The following CAMSAP3 variants were observed in gnomAD, a reference collection of about 807,000 sequenced individuals.
The protein encoded by CAMSAP3 is calmodulin-regulated spectrin-associated protein 3.
Under a neutral mutation model 112.5 loss-of-function variants are expected in CAMSAP3, and 34 were observed. The ratio of observed to expected loss-of-function variants is 0.30; its 90% CI spans 0.23 to 0.40. CAMSAP3 has a LOEUF of 0.40. CAMSAP3 is among the 10% of genes least tolerant of loss of function. CAMSAP3 has a pLI of 1.00. For synonymous variants in CAMSAP3, 868 were observed against 799.8 expected, an observed-to-expected ratio of 1.09 and a Z score of -1.44; for missense variants, 1,602 against 1,770.3, an observed-to-expected ratio of 0.90 and a Z score of 1.71.
chr19:7,606,164 C>CCCCCCCA, intron 2 of CAMSAP3, 107 bp from the exon 3 acceptor site: 2 of 823,742 alleles, frequency 2.4e-6, no homozygotes, highest in South Asian at 1.5e-5. Context: ...CCACCCCCCC[C>CCCCCCCA]GTCAAGTCCC....
At position 7,612,112 on chromosome 19, in the gene CAMSAP3, C is replaced by T. The variant is rs758157402; in HGVS notation, c.1619C>T (p.Pro540Leu). 6.8e-6 allele frequency: 11 copies of T among 1,612,100 alleles called. No individual in the cohort carries two copies. The highest frequency in any genetic ancestry group is 1.3e-5 in the African/African-American group (1 of 74,936). Residue 540 changes from proline (P) to leucine (L), a missense_variant, in exon 11 of 17, where the codon CCG becomes CTG. Pro to Leu is a moderately conservative substitution (Grantham distance 98). Around this residue, in one of 6 missense-constraint regions of CAMSAP3, gnomAD observed 1,100 missense variants for 1,135.7 expected, o/e 0.97. Transcript: ENST00000160298. ...SPCLVGEASK[P>L]PAPSEGSPKA... is the part of the protein sequence containing the mutation. ...TGTCTGGTGGGGGAGGCATCGAAAC[C>T]GCCAGCCCCATCCGAGGGGTCCCCG...
Position 7,611,258 on chromosome 19 carries a change from TC to T in CAMSAP3, c.1123+92del. The T allele has an allele frequency of 7.8e-7, 1 of 1,284,978 alleles. No individual in the cohort carries two copies. The highest frequency in any genetic ancestry group is 1.1e-6 in the Non-Finnish European group (1 of 895,956). The allele number at this position is 1,284,978 out of a possible 1,614,324, so 79.6% of individuals were successfully genotyped here. On this transcript the variant is annotated intron_variant, in intron 9 of 16. Transcript: ENST00000160298. The surrounding 1 kb of genome is among the most constrained non-coding windows in gnomAD (Gnocchi z 6.9). ...CCTCATGTTGTCTCCTCGTGAGCCTTCCAATAGCCTCTCCATCAGATCCCCC... is the reference window on the plus strand; with the variant it reads ...CCTCATGTTGTCTCCTCGTGAGCCTTCAATAGCCTCTCCATCAGATCCCCC...
At chr19:7,614,753 G>A (rs181377695) in intron 11 of CAMSAP3, 1 of 216,304 alleles carries the variant, frequency 4.6e-6, no homozygotes, top group South Asian at 6.9e-5. Context: ...CAGGGCCTCG[G>A]CACTAGCTGT....
At chr19:7,606,830 G>T (rs749935656) in intron 4 of CAMSAP3, 3 of 1,612,928 alleles carry the variant, frequency 1.9e-6, no homozygotes, top group African/African-American at 2.7e-5. Context: ...CTGTCTGTCC[G>T]CCCCGTCTGC....
rs898170898 is a variant in CAMSAP3, at chr19:7,602,400, T to G, written c.149-2826T>G. The stretch of plus-strand genomic sequence containing the variant: ...AGGTTTTGGTGTTTTTTGTTTCTTG[T>G]TTTTCATCTTAAAGGCCCTGAAAAG... On this transcript the variant is annotated intron_variant, in intron 1 of 16. Transcript: ENST00000160298. Among the ~76,000 whole-genome samples the G allele has an allele frequency of 8.5e-5, 13 of 152,258 alleles. No homozygotes were observed. In the South Asian group the frequency reaches 2.7e-3, roughly 32 times the overall value.
chr19:7,607,387 G>A lies in CAMSAP3; in HGVS notation c.622-739G>A, dbSNP rs931898722. The stretch of plus-strand genomic sequence containing the variant: ...TTTCTCTCTTCCCTGAATGAGCTGT[G>A]TGACCTTGCAGAAGTATCTAAACCT... On this transcript the variant is annotated intron_variant, in intron 4 of 16. Coordinates refer to ENST00000160298, the MANE Select transcript of CAMSAP3 (RefSeq NM_020902.2). This position sits in a 1 kb window ranked among gnomAD's most constrained non-coding sequence, Gnocchi z 4.9. Among the ~76,000 whole-genome samples, 2 of 152,348 alleles carry A rather than the reference G, an allele frequency of 1.3e-5. No homozygotes were observed. The highest frequency in any genetic ancestry group is 4.1e-4 in the South Asian group (2 of 4,830).
rs1482410475 is a variant in CAMSAP3, at chr19:7,617,718, T to G, written c.3445-34T>G. On this transcript the variant is annotated intron_variant, in intron 16 of 16. Coordinates refer to ENST00000160298, the MANE Select transcript of CAMSAP3 (RefSeq NM_020902.2). This position sits in a 1 kb window ranked among gnomAD's most constrained non-coding sequence, Gnocchi z 7.5. ...TGGTGGGTGGGTGGGTGGCCTGACT[T>G]GGCCAGCTGACCATTTCCAGCACTC... 1.9e-6 allele frequency: 3 copies of G among 1,612,702 alleles called. No homozygotes were observed. In the South Asian group the frequency reaches 3.3e-5, roughly 18 times the overall value.
intron 1 of CAMSAP3, among the ~76,000 whole-genome samples, chr19:7,596,577 G>A (rs1212372422): frequency 2.6e-5 from 4 of 151,978 alleles, no homozygotes; most frequent in Non-Finnish European, 4.4e-5. Flanking sequence ...CTCTTCCCCC[G>A]CCACACACCC....
At position 7,618,165 on chromosome 19, in the gene CAMSAP3, G is replaced by T. The variant is rs2051295865; in HGVS notation, c.*108G>T. 4 of 1,285,742 alleles carry T rather than the reference G, an allele frequency of 3.1e-6. No homozygotes were observed. The South Asian group carries it at 5.7e-5, about 18-fold the overall frequency. 79.6% of individuals were successfully genotyped at this position (1,285,742 alleles called of 1,614,324 possible). A position where few individuals can be genotyped will look rare whatever the true frequency, so the allele number is the denominator to read the frequency against. ...CCTGTCTGTCCCCAACCGTGTCTGG[G>T]TGGGGCTGGAGTCTCCACCCTCTGA... On this transcript the variant is annotated 3_prime_UTR_variant, in exon 17 of 17. Coordinates refer to ENST00000160298, the MANE Select transcript of CAMSAP3 (RefSeq NM_020902.2).
Position 7,617,803 on chromosome 19 carries a change from A to G in CAMSAP3, c.3496A>G (p.Ser1166Gly), listed in dbSNP as rs771292045. 6.2e-7 allele frequency: 1 copy of G among 1,612,694 alleles called. No individual in the cohort carries two copies. The highest frequency in any genetic ancestry group is 1.1e-5 in the South Asian group (1 of 91,030). ...CTTCCTGATCCTCTTTCGCGACTCG[A>G]GCTGCCAGTTCCGGGCGCTCTACAC... ...NHFLILFRDS[S>G]CQFRALYTLS... Residue 1166 changes from serine (S) to glycine (G), a missense_variant, in exon 17 of 17, where the codon AGC becomes GGC. This residue lies in a region of CAMSAP3 where 150 missense variants were observed against 207.6 expected (regional missense o/e 0.72). Coordinates refer to ENST00000160298, the MANE Select transcript of CAMSAP3 (RefSeq NM_020902.2). This position sits in a 1 kb window ranked among gnomAD's most constrained non-coding sequence, Gnocchi z 7.5.
In CAMSAP3 at chr19:7,615,710, G is replaced by A. The variant is rs891658756; in HGVS notation, c.3103G>A (p.Gly1035Ser). 38 of 1,405,312 alleles carry A rather than the reference G, an allele frequency of 2.7e-5. No homozygotes were observed. Among genetic ancestry groups the A allele is most frequent in the Non-Finnish European group, 3.3e-5 (36 of 1,086,604 alleles). The allele number at this position is 1,405,312 out of a possible 1,614,324, so 87.1% of individuals were successfully genotyped here. ...AGCCCTGGCACGAAGCCCAGCCCGC[G>A]GCCTGCTGGGTGAGGACCCTTGGGG... is the stretch of plus-strand genomic sequence containing the variant. ...DSALARSPAR[G>S]LLGSRLSKIY... The change falls in exon 13 of 17, where the codon GGC becomes AGC. Residue 1035 changes from glycine (G) to serine (S), a missense_variant. By Grantham distance (56) the Gly-to-Ser change is moderately conservative. Coordinates refer to ENST00000160298, the MANE Select transcript of CAMSAP3 (RefSeq NM_020902.2). The surrounding 1 kb of genome is among the most constrained non-coding windows in gnomAD (Gnocchi z 6.5).
At position 7,611,153 on chromosome 19, in the gene CAMSAP3, C is replaced by T; in HGVS notation, c.1108C>T (p.Leu370Phe). The change falls in exon 9 of 17, where the codon CTC (leucine) becomes TTC (phenylalanine). Residue 370 changes from leucine to phenylalanine, a missense_variant. By Grantham distance (22) the Leu-to-Phe change is conservative. This residue lies in a region of CAMSAP3 where 1,100 missense variants were observed against 1,135.7 expected (regional missense o/e 0.97). Transcript: ENST00000160298. This position sits in a 1 kb window ranked among gnomAD's most constrained non-coding sequence, Gnocchi z 6.9. ...GTCATCTGGTGGCCCCCAGTCCCCA[C>T]TCCGAGGATCCACAGGTGAGGAGGG... Reference protein sequence around the residue: ...LLSSGGPQSPLRGSTGSLKSS... With the variant: ...LLSSGGPQSPFRGSTGSLKSS... 2 of 1,613,614 alleles carry T rather than the reference C, an allele frequency of 1.2e-6. No homozygotes were observed. Among genetic ancestry groups the T allele is most frequent in the Non-Finnish European group, 1.7e-6 (2 of 1,179,956 alleles).
intron 1 of CAMSAP3, among the ~76,000 whole-genome samples, chr19:7,604,588 G>A (rs1199903868): frequency 6.6e-6 from 1 of 151,970 alleles, no homozygotes; most frequent in African/African-American, 2.4e-5. Context: ...CAACTCCCTC[G>A]ATGTGCCTGT....
In CAMSAP3 at chr19:7,611,033, C is replaced by A; in HGVS notation, c.1050-62C>A. The A allele has an allele frequency of 1.2e-5, 19 of 1,602,726 alleles. No individual in the cohort carries two copies. Among genetic ancestry groups the A allele is most frequent in the Non-Finnish European group, 1.6e-5 (19 of 1,171,248 alleles). ...GCAGCTGGGTGATGCTGTTGTCTCC[C>A]CCCGGGGAGAGGCGGAGGAGGAGGT... On this transcript the variant is annotated intron_variant, in intron 8 of 16. Coordinates refer to ENST00000160298, the MANE Select transcript of CAMSAP3 (RefSeq NM_020902.2). This position sits in a 1 kb window ranked among gnomAD's most constrained non-coding sequence, Gnocchi z 6.9.
chr19:7,609,800 A>C (rs2030381283), intron 5 of CAMSAP3, among the ~76,000 whole-genome samples: 1 of 152,082 alleles, frequency 6.6e-6, no homozygotes, highest in Admixed American at 6.6e-5. Flanking sequence ...TTTCATAAGG[A>C]GGGTGCAACC....
intron 1 of CAMSAP3, among the ~76,000 whole-genome samples, chr19:7,600,610 T>C (rs1450546228): frequency 2.4e-4 from 5 of 20,838 alleles, no homozygotes; most frequent in Non-Finnish European, 2.5e-4. Flanking sequence ...ACCCACCCAC[T>C]CATCCACTCA....
chr19:7,596,109 C>T lies in CAMSAP3; in HGVS notation c.107C>T (p.Ala36Val). The T allele has an allele frequency of 8.0e-7, 1 of 1,250,372 alleles. No homozygotes were observed. Among genetic ancestry groups the T allele is most frequent in the African/African-American group, 1.6e-5 (1 of 62,036 alleles). 77.5% of individuals were successfully genotyped at this position (1,250,372 alleles called of 1,614,324 possible). A position where few individuals can be genotyped will look rare whatever the true frequency, so the allele number is the denominator to read the frequency against. ...QYDFSRAKAA[A>V]SLAWVLRAAF... ...GATTTCTCGCGGGCCAAGGCGGCGG[C>T]CAGCCTGGCGTGGGTGCTGCGGGCC... Residue 36 changes from alanine to valine, a missense_variant, in exon 1 of 17, where the codon GCC becomes GTC. Around this residue, in one of 6 missense-constraint regions of CAMSAP3, gnomAD observed 147 missense variants for 144.6 expected, o/e 1.02. Coordinates refer to ENST00000160298, the MANE Select transcript of CAMSAP3 (RefSeq NM_020902.2).
rs372293282 is a variant in CAMSAP3 at position 7,615,227 on chromosome 19, C to T, written c.2715C>T (p.Ser905=). The change falls in exon 12 of 17, where the codon AGC becomes AGT. Residue 905 remains serine, a synonymous_variant. Coordinates refer to ENST00000160298, the MANE Select transcript of CAMSAP3 (RefSeq NM_020902.2). The surrounding 1 kb of genome is among the most constrained non-coding windows in gnomAD (Gnocchi z 6.5). ...ACGAGATGGCCCAAAAGCGGGCCAG[C>T]CTGCTGGAGCGGCAGCAGCGGCGAG... ...PEDEMAQKRA[S]LLERQQRRAE... is the part of the protein sequence containing the mutation. The T allele has an allele frequency of 2.9e-4, 446 of 1,552,278 alleles. 1 individual carries two copies. The highest frequency in any genetic ancestry group is 2.1e-3 in the Middle Eastern group (12 of 5,612).
intron 1 of CAMSAP3, among the ~76,000 whole-genome samples, chr19:7,603,989 C>T (rs2030083836): frequency 1.3e-5 from 2 of 152,040 alleles, no homozygotes; most frequent in Non-Finnish European, 1.5e-5. Flanking sequence ...CAAAAATTAG[C>T]CGGGTATGGC....
Sources: gnomAD v4.1 joint callset for allele counts (sites outside exome capture counted in the v4.1 genomes callset) on GRCh38, gnomAD v4.1.1 for gene constraint, gnomAD v4.1.1 regional missense constraint, Gnocchi (gnomAD v3.1) non-coding constraint, MANE v1.5 for transcripts, NCBI Gene and HGNC (gene_info 2026-07-23, HGNC 2026-07-21) for gene names.